The following RAPGEF2 variants were observed in gnomAD, a reference collection of about 807,000 sequenced individuals.
RAPGEF2 encodes the protein PDZ domain containing guanine nucleotide exchange factor (GEF) 1.
Under a neutral mutation model 186.7 loss-of-function variants are expected in RAPGEF2, and 54 were observed. The ratio of observed to expected loss-of-function variants is 0.29; its 90% CI spans 0.23 to 0.36. RAPGEF2 has a LOEUF of 0.36. Among genes scored for constraint, RAPGEF2 ranks in the 10% least tolerant of loss-of-function variants. The probability of loss-of-function intolerance (pLI) is 1.00; values close to 1 mark genes in which losing one functional copy is unlikely to be tolerated. For synonymous variants in RAPGEF2, 712 were observed against 705.9 expected, an observed-to-expected ratio of 1.01 and a Z score of -0.14; for missense variants, 1,532 against 2,045.0, an observed-to-expected ratio of 0.75 and a Z score of 4.84.
intron 1 of RAPGEF2, among the ~76,000 whole-genome samples, chr4:159,127,404 A>G (rs1183982364): frequency 6.6e-6 from 1 of 152,182 alleles, no homozygotes; most frequent in Non-Finnish European, 1.5e-5. Context: ...CCCACAAAAA[A>G]CACACCTTTT....
intron 1 of RAPGEF2, among the ~76,000 whole-genome samples, chr4:159,116,120 C>CA (rs1403722860): frequency 4.0e-5 from 6 of 151,538 alleles, no homozygotes; most frequent in South Asian, 4.2e-4. Flanking sequence ...CTCTGCACAG[C>CA]AAAAAAAACT....
At chr4:159,294,634 T>TTCCTTCCTTCCTGC (rs1554029084) in intron 7 of RAPGEF2, among the ~76,000 whole-genome samples, 12 of 133,004 alleles carry the variant, frequency 9.0e-5, no homozygotes, top group Non-Finnish European at 3.2e-5. Context: ...AGCTTCCATT[T>TTCCTTCCTTCCTGC]CTTCCTTCCT....
At chr4:159,285,184 A>G (rs1455760232) in intron 7 of RAPGEF2, among the ~76,000 whole-genome samples, 2 of 152,236 alleles carry the variant, frequency 1.3e-5, no homozygotes, top group African/African-American at 2.4e-5. Context: ...AGGTATGTAT[A>G]TATCTAGTTT....
chr4:159,155,540 T>C (rs1406852382), intron 1 of RAPGEF2, among the ~76,000 whole-genome samples: 1 of 152,082 alleles, frequency 6.6e-6, no homozygotes, highest in East Asian at 1.9e-4. Context: ...ATCAGATGTT[T>C]CTCTAGTGGG....
In RAPGEF2 at chr4:159,167,612, G is replaced by A. The variant is rs182256523; in HGVS notation, c.70-19030G>A. Among the ~76,000 whole-genome samples, 4 of 152,198 alleles carry A rather than the reference G, an allele frequency of 2.6e-5. No individual in the cohort carries two copies. The East Asian group carries it at 7.7e-4, about 29-fold the overall frequency. On this transcript the variant is annotated intron_variant, in intron 1 of 29. Coordinates refer to ENST00000691494, the MANE Select transcript of RAPGEF2 (RefSeq NM_001394067.2). ...ATTTTTTTTCTTCTTGTGTGTCACT[G>A]TCAAATTTTAAAAAATGTTCTATTT... is the stretch of plus-strand genomic sequence containing the variant.
At chr4:159,342,697 T>C (rs1729726365) in intron 20 of RAPGEF2, among the ~76,000 whole-genome samples, 1 of 151,660 alleles carries the variant, frequency 6.6e-6, no homozygotes, top group Non-Finnish European at 1.5e-5. Flanking sequence ...TACTGCTGTG[T>C]ATGGAAACAA....
intron 7 of RAPGEF2, chr4:159,268,170 A>G: frequency 6.2e-7 from 1 of 1,613,158 alleles, no homozygotes; most frequent in Non-Finnish European, 8.5e-7. Flanking sequence ...AACCACTAGC[A>G]ATCCCAGCTA....
chr4:159,318,952 A>C (rs1764922921), intron 9 of RAPGEF2, among the ~76,000 whole-genome samples: 1 of 152,156 alleles, frequency 6.6e-6, no homozygotes, highest in Non-Finnish European at 1.5e-5. Context: ...ATAGTGTATC[A>C]TTCTAATAGG....
At chr4:159,275,136 C>T (rs1002297830) in intron 7 of RAPGEF2, among the ~76,000 whole-genome samples, 2 of 147,976 alleles carry the variant, frequency 1.4e-5, no homozygotes, top group Non-Finnish European at 3.0e-5. Context: ...GTCTGTGATA[C>T]ATCATATCTT....
At chr4:159,240,828 T>C (rs1178953179) in intron 5 of RAPGEF2, among the ~76,000 whole-genome samples, 1 of 143,412 alleles carries the variant, frequency 7.0e-6, no homozygotes, top group African/African-American at 2.8e-5. Context: ...TTTTTTTTTC[T>C]TTTTTCTACG....
Position 159,150,150 on chromosome 4 carries a change from T to C in RAPGEF2, c.70-36492T>C, listed in dbSNP as rs186839482. ...TATAATATATAACAGTATATAACAGTATATAAACAAAATAGTTAATTTTGT... is the reference window on the plus strand; with the variant it reads ...TATAATATATAACAGTATATAACAGCATATAAACAAAATAGTTAATTTTGT... On this transcript the variant is annotated intron_variant, in intron 1 of 29. Transcript: ENST00000691494. 2.2e-3 allele frequency among the ~76,000 whole-genome samples: 328 copies of C among 147,992 alleles called. 4 individuals are homozygous for C. Among genetic ancestry groups the C allele is most frequent in the African/African-American group, 8.1e-3 (305 of 37,702 alleles).
intron 1 of RAPGEF2, among the ~76,000 whole-genome samples, chr4:159,140,185 TA>T (rs1742158308): frequency 1.3e-5 from 2 of 152,258 alleles, no homozygotes; most frequent in African/African-American, 4.8e-5. Context: ...CGTTTTATAC[TA>T]TTAGGAGATA....
At chr4:159,159,465 T>C (rs1016643395) in intron 1 of RAPGEF2, among the ~76,000 whole-genome samples, 2 of 106,978 alleles carry the variant, frequency 1.9e-5, no homozygotes, top group Non-Finnish European at 3.9e-5. Context: ...TAAGTACATA[T>C]AGTGGGATCA....
chr4:159,295,751 GT>G (rs1319161159), intron 7 of RAPGEF2, among the ~76,000 whole-genome samples: 1 of 107,654 alleles, frequency 9.3e-6, no homozygotes, highest in Non-Finnish European at 2.0e-5. Flanking sequence ...GTGTGTGTGT[GT>G]GTGCGCGCGC....
chr4:159,222,391 C>T (rs1296783210), intron 4 of RAPGEF2, among the ~76,000 whole-genome samples: 6 of 152,148 alleles, frequency 3.9e-5, no homozygotes, highest in Admixed American at 2.6e-4. Context: ...TGGTGCTTCA[C>T]GTGTTCAGTT....
intron 3 of RAPGEF2, among the ~76,000 whole-genome samples, chr4:159,193,937 C>T (rs1000537193): frequency 2.0e-5 from 3 of 152,082 alleles, no homozygotes; most frequent in Non-Finnish European, 4.4e-5. Context: ...CCAGCTTCTG[C>T]CTTTAAGGAG....
At chr4:159,306,061 C>A (rs1763252376) in intron 8 of RAPGEF2, among the ~76,000 whole-genome samples, 1 of 151,772 alleles carries the variant, frequency 6.6e-6, no homozygotes, top group Admixed American at 6.6e-5. Context: ...GTTATTATAA[C>A]CTTGTAGTAT....
chr4:159,222,634 C>A (rs1374286166), intron 4 of RAPGEF2, among the ~76,000 whole-genome samples: 1 of 152,034 alleles, frequency 6.6e-6, no homozygotes, highest in Non-Finnish European at 1.5e-5. Flanking sequence ...TGTCTGTGCC[C>A]CGGTTGTTTT....
At chr4:159,234,072 G>A (rs1385105303) in intron 4 of RAPGEF2, among the ~76,000 whole-genome samples, 1 of 151,816 alleles carries the variant, frequency 6.6e-6, no homozygotes, top group African/African-American at 2.4e-5. Flanking sequence ...TAGAGGGTAT[G>A]TTGAATCTGT....
Sources: allele counts gnomAD v4.1 joint callset (sites outside exome capture counted in the v4.1 genomes callset), GRCh38; gene constraint gnomAD v4.1.1; transcripts MANE v1.5; gene names NCBI Gene and HGNC (gene_info 2026-07-23, HGNC 2026-07-21).